The following KDM6A variants were observed in gnomAD, a reference collection of about 807,000 sequenced individuals.
KDM6A encodes the protein lysine demethylase 6A.
In KDM6A, 11 loss-of-function variants were observed where a neutral mutation model predicts 117.6. The observed-to-expected ratio is 0.09, with a 90% CI of 0.06 to 0.15. The LOEUF (loss-of-function observed/expected upper bound fraction) is 0.15. Ranked by LOEUF, KDM6A falls within the 10% of genes least tolerant of loss-of-function variation. The pLI, the probability that KDM6A is intolerant of heterozygous loss-of-function variation, is 1.00. For missense variants in KDM6A, 799 were observed against 1,077.3 expected (o/e 0.74, Z 3.62); for synonymous variants, 384 against 396.1 (o/e 0.97, Z 0.36).
chrX:44,881,437 C>CA (rs2032282808), intron 2 of KDM6A, among the ~76,000 whole-genome samples: 1 of 111,415 alleles, frequency 9.0e-6, no homozygotes, highest in Non-Finnish European at 1.9e-5. Context: ...ATCTCAAAAA[C>CA]AAAAAACAAC....
intron 4 of KDM6A, among the ~76,000 whole-genome samples, chrX:45,003,777 G>C (rs2041278063): frequency 9.5e-6 from 1 of 105,051 alleles, no homozygotes; most frequent in Admixed American, 1.0e-4. Context: ...TCCTCTCTCT[G>C]TCTCTCTTTG....
chrX:44,891,546 T>C (rs768902498), intron 2 of KDM6A, among the ~76,000 whole-genome samples: 7 of 112,155 alleles, frequency 6.2e-5, no homozygotes, highest in African/African-American at 1.6e-4. Context: ...GTATAGTAGG[T>C]CTTGTTTGAA....
At chrX:44,969,907 GATTTCCCTC>G (rs2039253644) in intron 3 of KDM6A, among the ~76,000 whole-genome samples, 1 of 112,260 alleles carries the variant, frequency 8.9e-6, no homozygotes, top group Non-Finnish European at 1.9e-5. Flanking sequence ...CCAAATAAAT[GATTTCCCTC>G]ATTCTGTATT....
intron 28 of KDM6A, among the ~76,000 whole-genome samples, chrX:45,108,926 A>G: frequency 1.1e-5 from 1 of 93,617 alleles, no homozygotes. Context: ...CAGTGAGATC[A>G]CATGGACACA....
At chrX:45,046,850 A>G (rs751267965) in intron 8 of KDM6A, among the ~76,000 whole-genome samples, 2 of 111,594 alleles carry the variant, frequency 1.8e-5, no homozygotes, top group South Asian at 7.6e-4. Flanking sequence ...AAGTACATGT[A>G]GAAGCTGAGT....
At chrX:44,895,152 C>T (rs188715004) in intron 2 of KDM6A, among the ~76,000 whole-genome samples, 2,100 of 107,583 alleles carry the variant, frequency 0.02, 23 homozygotes, top group Non-Finnish European at 0.029. Context: ...GTCGCCCAGG[C>T]TGGAGTGCAG....
intron 2 of KDM6A, among the ~76,000 whole-genome samples, chrX:44,899,360 G>A (rs2146678168): frequency 9.4e-6 from 1 of 106,841 alleles, no homozygotes; most frequent in South Asian, 4.3e-4. Flanking sequence ...TGTGGTGGGG[G>A]GTGTATGTGT....
chrX:44,988,645 C>A (rs968367019), intron 4 of KDM6A, among the ~76,000 whole-genome samples: 20 of 111,590 alleles, frequency 1.8e-4, no homozygotes, highest in African/African-American at 6.5e-4. Flanking sequence ...CCCTCAGCTG[C>A]AGGTCTGTTG....
intron 24 of KDM6A, among the ~76,000 whole-genome samples, chrX:45,084,331 A>G (rs1338882416): frequency 2.7e-5 from 3 of 111,953 alleles, no homozygotes; most frequent in Non-Finnish European, 5.6e-5. Flanking sequence ...TCACAGGGTG[A>G]TATTCAAAAT....
chrX:45,000,344 G>T (rs1414189511), intron 4 of KDM6A, among the ~76,000 whole-genome samples: 3 of 112,153 alleles, frequency 2.7e-5, no homozygotes, highest in African/African-American at 9.7e-5. Flanking sequence ...TGGGACTCCA[G>T]TTGCGTCTAA....
intron 4 of KDM6A, among the ~76,000 whole-genome samples, chrX:44,982,233 AGTT>A (rs1296379370): frequency 8.9e-6 from 1 of 111,895 alleles, no homozygotes; most frequent in African/African-American, 3.2e-5. Context: ...TTGAAAAACT[AGTT>A]GGTCTGTTAC....
chrX:45,061,589 T>TA (rs1293889395), intron 15 of KDM6A, among the ~76,000 whole-genome samples, 170 bp downstream of exon 15: 3 of 105,669 alleles, frequency 2.8e-5, no homozygotes, highest in Non-Finnish European at 5.8e-5. Context: ...CGTCCTGTGT[T>TA]AAAGTTATTC....
intron 2 of KDM6A, among the ~76,000 whole-genome samples, chrX:44,895,457 C>CTTTT (rs1225560971): frequency 2.4e-5 from 2 of 81,733 alleles, no homozygotes; most frequent in Non-Finnish European, 4.7e-5. Context: ...TTATTGATTG[C>CTTTT]TTTTTTTTTT....
intron 7 of KDM6A, among the ~76,000 whole-genome samples, chrX:45,037,275 C>A (rs754706822): frequency 8.9e-6 from 1 of 111,754 alleles, no homozygotes; most frequent in Admixed American, 9.5e-5. Context: ...ACTTGGGATT[C>A]AGTTTTTAAA....
At chrX:45,090,541 GCT>G (rs1208124214) in intron 26 of KDM6A, among the ~76,000 whole-genome samples, 180 bp from the exon 27 acceptor site, 1 of 111,893 alleles carries the variant, frequency 8.9e-6, no homozygotes. Context: ...CATAGGAAGT[GCT>G]CTTTATATGA....
At chrX:44,885,450 C>A (rs1298684352) in intron 2 of KDM6A, among the ~76,000 whole-genome samples, 2 of 110,960 alleles carry the variant, frequency 1.8e-5, no homozygotes, top group Non-Finnish European at 3.8e-5. Flanking sequence ...TATACTTGCA[C>A]ATAGTACAAA....
chrX:45,010,062 A>G (rs1379040739), intron 4 of KDM6A, among the ~76,000 whole-genome samples: 1 of 112,409 alleles, frequency 8.9e-6, no homozygotes, highest in African/African-American at 3.2e-5. Flanking sequence ...TTGTTCACAC[A>G]GATCAGTATG....
At chrX:44,901,851 A>G (rs750996729) in intron 2 of KDM6A, among the ~76,000 whole-genome samples, 4 of 112,356 alleles carry the variant, frequency 3.6e-5, no homozygotes, top group Middle Eastern at 4.6e-3. Context: ...CATATGTTTT[A>G]CATCCTTTTA....
At chrX:45,071,503 A>G (rs2044830945) in intron 18 of KDM6A, among the ~76,000 whole-genome samples, 1 of 111,786 alleles carries the variant, frequency 8.9e-6, no homozygotes, top group African/African-American at 3.3e-5. Flanking sequence ...TCCTGGGTCT[A>G]CCGTTAAATG....
Sources: allele counts gnomAD v4.1 joint callset (sites outside exome capture counted in the v4.1 genomes callset), GRCh38; gene constraint gnomAD v4.1.1; transcripts MANE v1.5; gene names NCBI Gene and HGNC (gene_info 2026-07-23, HGNC 2026-07-21).